The following HS6ST3 variants were observed in gnomAD, a reference collection of about 807,000 sequenced individuals.
HS6ST3 encodes the protein heparan sulfate 6-O-sulfotransferase 3, also known as heparan-sulfate 6-O-sulfotransferase 3.
In HS6ST3, 12 loss-of-function variants were observed where a neutral mutation model predicts 36.7. That is an observed-to-expected ratio of 0.33 (90% CI 0.21 to 0.53). HS6ST3 has a LOEUF of 0.53. Among genes scored for constraint, HS6ST3 ranks in the 20% least tolerant of loss-of-function variants. HS6ST3 has a pLI of 0.95. For missense variants in HS6ST3, 584 were observed against 640.9 expected (o/e 0.91, Z 0.96); for synonymous variants, 240 against 257.5 (o/e 0.93, Z 0.65).
intron 1 of HS6ST3, among the ~76,000 whole-genome samples, chr13:96,596,878 C>T (rs563257861): frequency 6.6e-6 from 1 of 152,226 alleles, no homozygotes; most frequent in Non-Finnish European, 1.5e-5. Flanking sequence ...AAGACACACA[C>T]TTGCATACGT....
At position 96,336,501 on chromosome 13, in the gene HS6ST3, A is replaced by C. The variant is rs559429327; in HGVS notation, c.707+244932A>C. Among the ~76,000 whole-genome samples the C allele has an allele frequency of 3.9e-5, 6 of 152,318 alleles. No homozygotes were observed. The South Asian group carries it at 1.2e-3, about 32-fold the overall frequency. ...AGGCCATTAGGGTAGGCCCCAATCT[A>C]GTCTGATTGGTGTCCATATTAGAGG... is the stretch of plus-strand genomic sequence containing the variant. On this transcript the variant is annotated intron_variant, in intron 1 of 1. Coordinates refer to ENST00000376705, the MANE Select transcript of HS6ST3 (RefSeq NM_153456.4).
At chr13:96,488,996 T>C (rs2055931089) in intron 1 of HS6ST3, among the ~76,000 whole-genome samples, 1 of 152,062 alleles carries the variant, frequency 6.6e-6, no homozygotes, top group Admixed American at 6.6e-5. Flanking sequence ...TGGGGATGTG[T>C]ACTTTGTTTA....
intron 1 of HS6ST3, among the ~76,000 whole-genome samples, chr13:96,172,925 A>G (rs1409069157): frequency 6.6e-6 from 1 of 152,198 alleles, no homozygotes; most frequent in Non-Finnish European, 1.5e-5. Flanking sequence ...TCTCATTTAA[A>G]TCCTATCAGC....
rs56363761 is a variant in HS6ST3 at position 96,304,679 on chromosome 13, TTTTCTTTC to T, written c.707+213138_707+213145del. On this transcript the variant is annotated intron_variant, in intron 1 of 1. Transcript: ENST00000376705. The stretch of plus-strand genomic sequence containing the variant: ...CTACATGAGAATCACTGTTGCATGT[TTTTCTTTC>T]TTTCTTTCTTTCTTTCTTTCTTTCT... 4.4e-3 allele frequency among the ~76,000 whole-genome samples: 379 copies of T among 86,768 alleles called. 2 individuals are homozygous for T. Among genetic ancestry groups the T allele is most frequent in the East Asian group, 9.2e-3 (27 of 2,934 alleles). The allele number at this position is 86,768 out of a possible 152,430, so 56.9% of individuals were successfully genotyped here.
At chr13:96,099,973 T>C (rs1240609397) in intron 1 of HS6ST3, among the ~76,000 whole-genome samples, 1 of 152,004 alleles carries the variant, frequency 6.6e-6, no homozygotes, top group Non-Finnish European at 1.5e-5. Flanking sequence ...AATCTGAGGG[T>C]AAGAGCCCCA....
intron 1 of HS6ST3, among the ~76,000 whole-genome samples, chr13:96,453,781 C>T (rs78802231): frequency 0.024 from 3,696 of 152,322 alleles, 172 homozygotes; most frequent in African/African-American, 0.083. Flanking sequence ...CTGCTTAGTA[C>T]ATAACACCCC....
Position 96,150,092 on chromosome 13 carries a change from A to G in HS6ST3, c.707+58523A>G, listed in dbSNP as rs191701869. On this transcript the variant is annotated intron_variant, in intron 1 of 1. Transcript: ENST00000376705. ...TTGGCGAGTTCCAGGTTCTTGTCCCACAACAAGAGGAATAAGGTACGTGGA... is the reference window on the plus strand; with the variant it reads ...TTGGCGAGTTCCAGGTTCTTGTCCCGCAACAAGAGGAATAAGGTACGTGGA... 3.4e-3 allele frequency among the ~76,000 whole-genome samples: 523 copies of G among 152,220 alleles called. 3 individuals carry two copies. The highest frequency in any genetic ancestry group is 0.012 in the African/African-American group (503 of 41,540).
chr13:96,250,035 G>A (rs779986222), intron 1 of HS6ST3, among the ~76,000 whole-genome samples: 5 of 152,164 alleles, frequency 3.3e-5, no homozygotes, highest in Non-Finnish European at 5.9e-5. Flanking sequence ...GTACAACAAA[G>A]TGAATGATTT....
intron 1 of HS6ST3, among the ~76,000 whole-genome samples, chr13:96,465,002 G>A (rs908812744): frequency 6.8e-6 from 1 of 146,614 alleles, no homozygotes; most frequent in East Asian, 2.1e-4. Flanking sequence ...GCCCACACAC[G>A]AGGAACTTTA....
intron 1 of HS6ST3, among the ~76,000 whole-genome samples, chr13:96,317,351 TATATA>T (rs1566322027): frequency 8.6e-4 from 23 of 26,900 alleles, no homozygotes; most frequent in African/African-American, 1.1e-3. Context: ...TATATATATA[TATATA>T]TATATATATA....
At chr13:96,147,482 A>C (rs544932954) in intron 1 of HS6ST3, among the ~76,000 whole-genome samples, 3 of 152,356 alleles carry the variant, frequency 2.0e-5, no homozygotes, top group Admixed American at 6.5e-5. Flanking sequence ...TGTTGAGAAA[A>C]AATAAATTGA....
chr13:96,259,097 G>A (rs2054651800), intron 1 of HS6ST3, among the ~76,000 whole-genome samples: 1 of 152,146 alleles, frequency 6.6e-6, no homozygotes, highest in Admixed American at 6.5e-5. Context: ...TTAACTTGCT[G>A]TAAACTGCAA....
At chr13:96,379,867 G>C (rs1460856966) in intron 1 of HS6ST3, among the ~76,000 whole-genome samples, 1 of 152,138 alleles carries the variant, frequency 6.6e-6, no homozygotes, top group Non-Finnish European at 1.5e-5. Flanking sequence ...AATATTTCTA[G>C]AATTGTGGCA....
intron 1 of HS6ST3, among the ~76,000 whole-genome samples, chr13:96,428,734 T>C (rs1037533814): frequency 4.6e-5 from 7 of 152,134 alleles, no homozygotes; most frequent in Non-Finnish European, 8.8e-5. Flanking sequence ...AGTAAGAACA[T>C]AGACTGAAAT....
Position 96,430,497 on chromosome 13 carries a change from T to A in HS6ST3, c.707+338928T>A, listed in dbSNP as rs558743374. ...GCTTCAGAGAGCTGACCTCGAGCTCTCCTGGGGTGAGGCCCTCATTGTTGC... is the reference window on the plus strand; with the variant it reads ...GCTTCAGAGAGCTGACCTCGAGCTCACCTGGGGTGAGGCCCTCATTGTTGC... On this transcript the variant is annotated intron_variant, in intron 1 of 1. Transcript: ENST00000376705. Among the ~76,000 whole-genome samples, 11 of 152,298 alleles carry A rather than the reference T, an allele frequency of 7.2e-5. No individual in the cohort carries two copies. In the East Asian group the frequency reaches 1.9e-3, roughly 27 times the overall value.
intron 1 of HS6ST3, among the ~76,000 whole-genome samples, chr13:96,314,350 T>C (rs1037144699): frequency 2.0e-5 from 3 of 152,230 alleles, no homozygotes; most frequent in Admixed American, 6.5e-5. Flanking sequence ...CAGTTATCTA[T>C]ACGCTTTACT....
chr13:96,680,613 C>T (rs1377450989), intron 1 of HS6ST3, among the ~76,000 whole-genome samples: 3 of 152,148 alleles, frequency 2.0e-5, no homozygotes, highest in Non-Finnish European at 4.4e-5. Flanking sequence ...TCGAAACCAT[C>T]ATACTCCTAA....
chr13:96,580,334 A>C lies in HS6ST3; in HGVS notation c.708-252156A>C, dbSNP rs115641696. ...ACATTATCATTTTCACCTTCACTAAACAACTCTGTAATGGAAGCAGCTAAG... is the reference window on the plus strand; with the variant it reads ...ACATTATCATTTTCACCTTCACTAACCAACTCTGTAATGGAAGCAGCTAAG... On this transcript the variant is annotated intron_variant, in intron 1 of 1. Transcript: ENST00000376705. 5.9e-3 allele frequency among the ~76,000 whole-genome samples: 889 copies of C among 151,386 alleles called. 5 individuals are homozygous for C. The highest frequency in any genetic ancestry group is 0.02 in the African/African-American group (841 of 41,338).
chr13:96,406,791 T>C (rs2055480834), intron 1 of HS6ST3, among the ~76,000 whole-genome samples: 1 of 152,190 alleles, frequency 6.6e-6, no homozygotes, highest in African/African-American at 2.4e-5. Context: ...TTGTCTTCTG[T>C]CAGAAGTTAC....
Sources: gnomAD v4.1 joint callset for allele counts (sites outside exome capture counted in the v4.1 genomes callset) on GRCh38, gnomAD v4.1.1 for gene constraint, MANE v1.5 for transcripts, NCBI Gene and HGNC (gene_info 2026-07-23, HGNC 2026-07-21) for gene names.